The following SLC30A8 variants were observed in gnomAD, a reference collection of about 807,000 sequenced individuals.
The protein encoded by SLC30A8 is solute carrier family 30 member 8.
In SLC30A8, 27 loss-of-function variants were observed where a neutral mutation model predicts 36.9. That is an observed-to-expected ratio of 0.73 (90% CI 0.54 to 1.01). The LOEUF is 1.01. SLC30A8 is among the 50% of genes least tolerant of loss of function. The pLI, the probability that SLC30A8 is intolerant of heterozygous loss-of-function variation, is 0.00. For synonymous variants in SLC30A8, 164 were observed against 172.4 expected, an observed-to-expected ratio of 0.95 and a Z score of 0.38; for missense variants, 439 against 452.0, an observed-to-expected ratio of 0.97 and a Z score of 0.26.
At chr8:117,154,877 G>A (rs1274987511) in intron 3 of SLC30A8, among the ~76,000 whole-genome samples, 3 of 152,162 alleles carry the variant, frequency 2.0e-5, no homozygotes, top group African/African-American at 7.2e-5. Flanking sequence ...GCTATTAATA[G>A]AACTCTCTGC....
chr8:117,154,859 G>T lies in SLC30A8; in HGVS notation c.418+1769G>T, dbSNP rs1471693055. On this transcript the variant is annotated intron_variant, in intron 3 of 7. Transcript: ENST00000456015. ...GTACTTTGGCATCGTGGCCATGGAAGACCCTGAGCTATTAATAGAACTCTC... is the reference window on the plus strand; with the variant it reads ...GTACTTTGGCATCGTGGCCATGGAATACCCTGAGCTATTAATAGAACTCTC... Among the ~76,000 whole-genome samples the T allele has an allele frequency of 2.6e-5, 4 of 152,280 alleles. No individual in the cohort carries two copies. The East Asian group carries it at 7.8e-4, about 30-fold the overall frequency.
At chr8:116,995,282 C>G (rs921900811) in intron 1 of SLC30A8, among the ~76,000 whole-genome samples, 1 of 151,946 alleles carries the variant, frequency 6.6e-6, no homozygotes, top group Non-Finnish European at 1.5e-5. Flanking sequence ...CTTGAAATTC[C>G]AAGAAATCAT....
intron 1 of SLC30A8, among the ~76,000 whole-genome samples, chr8:116,970,749 G>C (rs190805618): frequency 2.0e-5 from 3 of 152,176 alleles, no homozygotes; most frequent in Non-Finnish European, 2.9e-5. Flanking sequence ...TTAGAACAAA[G>C]GCTGACATAC....
upstream of SLC30A8, chr8:117,130,127 T>TAATA (rs1821067436): frequency 1.3e-5 from 2 of 152,020 alleles, no homozygotes; most frequent in Admixed American, 1.3e-4. Flanking sequence ...GCAAATTCAC[T>TAATA]AATACCAAAA....
chr8:117,048,581 C>G (rs1331853893), intron 2 of SLC30A8, among the ~76,000 whole-genome samples: 1 of 152,192 alleles, frequency 6.6e-6, no homozygotes, highest in Non-Finnish European at 1.5e-5. Flanking sequence ...TGATTACAAT[C>G]ATTTTCAATG....
chr8:117,017,775 A>G (rs1159410262), intron 1 of SLC30A8, among the ~76,000 whole-genome samples: 1 of 152,220 alleles, frequency 6.6e-6, no homozygotes, highest in Non-Finnish European at 1.5e-5. Flanking sequence ...TCTGGGTTGG[A>G]GGAGAAGATT....
At chr8:117,157,298 A>AAATT (rs1361110237) in intron 3 of SLC30A8, among the ~76,000 whole-genome samples, 1 of 152,160 alleles carries the variant, frequency 6.6e-6, no homozygotes, top group African/African-American at 2.4e-5. Context: ...TTTTATGGCA[A>AAATT]AATTAAGAGT....
At chr8:117,124,531 C>A (rs1586554544) in intron 2 of SLC30A8, among the ~76,000 whole-genome samples, 1 of 151,616 alleles carries the variant, frequency 6.6e-6, no homozygotes, top group African/African-American at 2.4e-5. Flanking sequence ...CATTTAAATA[C>A]CTCCACCAAA....
intron 2 of SLC30A8, among the ~76,000 whole-genome samples, chr8:117,049,449 G>T (rs898478596): frequency 3.3e-5 from 5 of 152,170 alleles, no homozygotes; most frequent in South Asian, 2.1e-4. Flanking sequence ...ATCTGAATAC[G>T]CTCTGTAGTC....
At chr8:117,162,771 C>A (rs963672259) in intron 5 of SLC30A8, among the ~76,000 whole-genome samples, 6 of 152,146 alleles carry the variant, frequency 3.9e-5, no homozygotes, top group Non-Finnish European at 8.8e-5. Flanking sequence ...TGAGTTGATG[C>A]TGAATTTCTT....
At chr8:117,024,627 A>T (rs17745004) in intron 1 of SLC30A8, among the ~76,000 whole-genome samples, 16,727 of 152,192 alleles carry the variant, frequency 0.11, 1,144 homozygotes, top group East Asian at 0.18. Flanking sequence ...GCATACACAA[A>T]AGCATATACC....
At chr8:116,993,797 C>T (rs756174265) in intron 1 of SLC30A8, among the ~76,000 whole-genome samples, 15 of 151,596 alleles carry the variant, frequency 9.9e-5, no homozygotes, top group East Asian at 1.9e-4. Flanking sequence ...AGAAAATATC[C>T]GATCTGAAAG....
At chr8:116,987,453 C>A (rs921728204) in intron 1 of SLC30A8, among the ~76,000 whole-genome samples, 4 of 151,640 alleles carry the variant, frequency 2.6e-5, no homozygotes, top group African/African-American at 7.3e-5. Context: ...AAAATGCACA[C>A]GTAAAAATAA....
At chr8:117,003,479 A>T (rs565573254) in intron 1 of SLC30A8, among the ~76,000 whole-genome samples, 5 of 152,294 alleles carry the variant, frequency 3.3e-5, no homozygotes, top group African/African-American at 1.2e-4. Context: ...AGATATTGAT[A>T]CCTATCATGA....
chr8:117,024,576 G>C (rs1436131315), intron 1 of SLC30A8, among the ~76,000 whole-genome samples: 1 of 152,144 alleles, frequency 6.6e-6, no homozygotes, highest in African/African-American at 2.4e-5. Flanking sequence ...ACTGCCATGA[G>C]GGCAGGTCCA....
At chr8:117,136,860 A>G (rs761755411) in intron 1 of SLC30A8, among the ~76,000 whole-genome samples, 46 of 152,014 alleles carry the variant, frequency 3.0e-4, no homozygotes, top group Non-Finnish European at 6.0e-4. Flanking sequence ...ATAAATAGGT[A>G]TGGTTTTCAG....
chr8:117,014,802 C>G (rs970848937), intron 1 of SLC30A8, among the ~76,000 whole-genome samples: 2 of 152,054 alleles, frequency 1.3e-5, no homozygotes, highest in African/African-American at 4.8e-5. Context: ...TCCTCAGTTC[C>G]CTGCTATATA....
intron 1 of SLC30A8, among the ~76,000 whole-genome samples, chr8:117,027,800 C>T (rs542558178): frequency 7.0e-4 from 106 of 152,216 alleles, no homozygotes; most frequent in African/African-American, 2.5e-3. Context: ...CCTGCTGTCA[C>T]CTTTGGAGAA....
intron 2 of SLC30A8, among the ~76,000 whole-genome samples, chr8:117,072,487 C>T (rs1192144131): frequency 6.6e-6 from 1 of 152,110 alleles, no homozygotes; most frequent in African/African-American, 2.4e-5. Context: ...ATGTTTCATC[C>T]TTAATACCTA....
Sources: allele counts gnomAD v4.1 joint callset (sites outside exome capture counted in the v4.1 genomes callset), GRCh38; gene constraint gnomAD v4.1.1; transcripts MANE v1.5; gene names NCBI Gene and HGNC (gene_info 2026-07-23, HGNC 2026-07-21).